NUMB: variants seen among roughly 807,000 people sequenced by gnomAD.
NUMB encodes the protein NUMB endocytic adaptor protein.
In NUMB, 29 loss-of-function variants were observed where a neutral mutation model predicts 59.7. The ratio of observed to expected loss-of-function variants is 0.49; its 90% CI spans 0.36 to 0.66. NUMB has a LOEUF of 0.66. Among genes scored for constraint, NUMB ranks in the 30% least tolerant of loss-of-function variants. The pLI, the probability that NUMB is intolerant of heterozygous loss-of-function variation, is 0.00. For synonymous variants in NUMB, 288 were observed against 288.2 expected (o/e 1.00, Z 0.01); for missense variants, 723 against 822.0 (o/e 0.88, Z 1.47).
At chr14:73,451,699 T>C (rs968881883) in intron 1 of NUMB, among the ~76,000 whole-genome samples, 1 of 152,210 alleles carries the variant, frequency 6.6e-6, no homozygotes, top group African/African-American at 2.4e-5. Flanking sequence ...TAGACGAAAG[T>C]ATCACTATTA....
At chr14:73,379,222 G>T (rs1895112190) in intron 2 of NUMB, among the ~76,000 whole-genome samples, 1 of 152,110 alleles carries the variant, frequency 6.6e-6, no homozygotes, top group Non-Finnish European at 1.5e-5. Context: ...CAAAAAACTA[G>T]TACTTCCTCC....
rs1170959840 is a variant in NUMB, at chr14:73,352,477, CATATATATATATAT to C, written c.126+3135_126+3148del. The stretch of plus-strand genomic sequence containing the variant: ...ACACACATACACACACACACACACA[CATATATATATATAT>C]ATATATATATATATATATATATATA... On this transcript the variant is annotated intron_variant, in intron 4 of 12. Transcript: ENST00000555238. Among the ~76,000 whole-genome samples the C allele has an allele frequency of 4.4e-3, 56 of 12,692 alleles. 3 individuals carry two copies. The highest frequency in any genetic ancestry group is 0.02 in the South Asian group (3 of 148). The allele number at this position is 12,692 out of a possible 152,430, so 8.3% of individuals were successfully genotyped here. A position where few individuals can be genotyped will look rare whatever the true frequency, so the allele number is the denominator to read the frequency against.
chr14:73,407,953 C>T (rs1320551842), intron 2 of NUMB, among the ~76,000 whole-genome samples: 3 of 152,100 alleles, frequency 2.0e-5, no homozygotes, highest in Admixed American at 6.5e-5. Context: ...CTTGGCCGGG[C>T]GTGGTGGCTC....
intron 1 of NUMB, among the ~76,000 whole-genome samples, chr14:73,429,324 A>G (rs1013928174): frequency 3.9e-5 from 6 of 152,090 alleles, no homozygotes; most frequent in African/African-American, 7.2e-5. Context: ...GTGAGCAGAG[A>G]TCACGCCACT....
chr14:73,382,180 C>A, intron 2 of NUMB, among the ~76,000 whole-genome samples: 2 of 152,262 alleles, frequency 1.3e-5, no homozygotes, highest in Admixed American at 1.3e-4. Flanking sequence ...GAGTTTTGCT[C>A]TTGTTGCCCA....
chr14:73,322,949 C>T (rs1388864654), intron 5 of NUMB, 181 bp downstream of exon 5: 2 of 462,224 alleles, frequency 4.3e-6, no homozygotes, highest in Non-Finnish European at 7.7e-6. Flanking sequence ...CCTCAGCCTC[C>T]CAAAGTGCTA....
chr14:73,288,990 C>T (rs1055891036), intron 8 of NUMB, among the ~76,000 whole-genome samples: 4 of 152,162 alleles, frequency 2.6e-5, no homozygotes, highest in African/African-American at 9.7e-5. Flanking sequence ...TGTGCCACTG[C>T]ACTCCAGCCT....
At chr14:73,282,555 G>A (rs1232607068) in intron 10 of NUMB, 50 bp from the exon 11 acceptor site, 2 of 1,589,208 alleles carry the variant, frequency 1.3e-6, no homozygotes, top group Non-Finnish European at 1.7e-6. Flanking sequence ...GAATAATCCT[G>A]AAATTTGACA....
At chr14:73,451,260 A>C (rs903127455) in intron 1 of NUMB, among the ~76,000 whole-genome samples, 2 of 151,506 alleles carry the variant, frequency 1.3e-5, no homozygotes, top group Non-Finnish European at 2.9e-5. Context: ...ATATGGTGAA[A>C]CCCCATCTCT....
At position 73,309,312 on chromosome 14, in the gene NUMB, G is replaced by A. The variant is rs1267516795; in HGVS notation, c.234+7078C>T. On this transcript the variant is annotated intron_variant, in intron 6 of 12. Coordinates refer to ENST00000555238, the MANE Select transcript of NUMB (RefSeq NM_001005743.2). ...CACTATTCACAATAGCAAAGACTTG[G>A]AACCAACCCAAATGCCCATCAATGA... Among the ~76,000 whole-genome samples the A allele has an allele frequency of 2.6e-5, 4 of 152,202 alleles. No individual in the cohort carries two copies. In the East Asian group the frequency reaches 5.8e-4, roughly 22 times the overall value.
chr14:73,322,951 A>C (rs1050986154), intron 5 of NUMB, 179 bp downstream of exon 5: 2 of 465,406 alleles, frequency 4.3e-6, no homozygotes. Flanking sequence ...TCAGCCTCCC[A>C]AAGTGCTAGG....
Position 73,323,131 on chromosome 14 carries a change from G to A in NUMB, c.200C>T (p.Ala67Val). Residue 67 changes from alanine (A) to valine (V), a missense_variant and splice_region_variant, in exon 5 of 13, where the codon GCT becomes GTT. Physicochemically the swap from Ala to Val is moderately conservative, Grantham distance 64 (BLOSUM62 0). Transcript: ENST00000555238. ...CACTGGCAACCATCAAATACATACA[G>A]CTTTCAATCTTTTTACAGCATCTTC... ...ICEDAVKRLKAERKFFKGFFG... is the reference protein window; with the variant it reads ...ICEDAVKRLKVERKFFKGFFG... 1 of 1,609,476 alleles carries A rather than the reference G, an allele frequency of 6.2e-7. No homozygotes were observed. The highest frequency in any genetic ancestry group is 1.3e-5 in the African/African-American group (1 of 74,944).
chr14:73,452,595 C>A (rs1884067666), intron 1 of NUMB, among the ~76,000 whole-genome samples: 1 of 152,144 alleles, frequency 6.6e-6, no homozygotes, highest in Admixed American at 6.5e-5. Flanking sequence ...AGGGGGAAGT[C>A]ACTGAACGTT....
At chr14:73,333,571 A>T (rs1308740633) in intron 4 of NUMB, among the ~76,000 whole-genome samples, 1 of 151,898 alleles carries the variant, frequency 6.6e-6, no homozygotes, top group Non-Finnish European at 1.5e-5. Context: ...TTGCCCATTT[A>T]AAAATTAGGT....
intron 1 of NUMB, among the ~76,000 whole-genome samples, chr14:73,412,632 G>GAA (rs1180955520): frequency 0.063 from 5,850 of 92,454 alleles, 477 homozygotes; most frequent in African/African-American, 0.22. Flanking sequence ...CGTCTCAAAA[G>GAA]AAAAAAAAAA....
chr14:73,303,728 T>C (rs1184569847), intron 6 of NUMB, among the ~76,000 whole-genome samples: 1 of 152,220 alleles, frequency 6.6e-6, no homozygotes, highest in African/African-American at 2.4e-5. Context: ...ATTTCAGTTA[T>C]AGGTAGAATT....
chr14:73,306,834 G>A (rs752463528), intron 6 of NUMB, among the ~76,000 whole-genome samples: 3 of 152,074 alleles, frequency 2.0e-5, no homozygotes, highest in Non-Finnish European at 4.4e-5. Context: ...ATTCCTTTAC[G>A]CATTAATTCA....
chr14:73,305,055 C>A (rs1268380608), intron 6 of NUMB, among the ~76,000 whole-genome samples: 5 of 152,188 alleles, frequency 3.3e-5, no homozygotes, highest in Non-Finnish European at 5.9e-5. Context: ...GTGTGAGCTA[C>A]CGCGCCTGGC....
chr14:73,385,642 C>T (rs912344373), intron 2 of NUMB, among the ~76,000 whole-genome samples: 14 of 151,728 alleles, frequency 9.2e-5, no homozygotes, highest in African/African-American at 3.4e-4. Flanking sequence ...GCTGGGATTA[C>T]AGGCATGTGC....
Sources: allele counts gnomAD v4.1 joint callset (sites outside exome capture counted in the v4.1 genomes callset), GRCh38; gene constraint gnomAD v4.1.1; transcripts MANE v1.5; gene names NCBI Gene and HGNC (gene_info 2026-07-23, HGNC 2026-07-21).